Variants in ASMT observed in about 807,000 individuals in gnomAD.
ASMT encodes acetylserotonin O-methyltransferase.
ASMT carries 53 observed loss-of-function variants against 41.3 expected under a neutral mutation model. That is an observed-to-expected ratio of 1.28 (90% CI 1.03 to 1.61). The LOEUF (loss-of-function observed/expected upper bound fraction) is 1.61. Among genes scored for constraint, ASMT ranks in the 40% most tolerant of loss-of-function variants. The pLI, the probability that ASMT is intolerant of heterozygous loss-of-function variation, is 0.00. For synonymous variants in ASMT, 231 were observed against 184.8 expected (o/e 1.25, Z -2.03); for missense variants, 531 against 441.3 (o/e 1.20, Z -1.82).
chrX:1,615,308 G>A (rs370105151), intron 1 of ASMT, 40 bp downstream of exon 1: 46 of 1,518,660 alleles, frequency 3.0e-5, no homozygotes, highest in Middle Eastern at 3.4e-4. Context: ...ATAGACTTCC[G>A]TTCATCACAC....
chrX:1,615,095 A>T lies in ASMT; in HGVS notation c.-105A>T. The T allele has an allele frequency of 1.1e-6, 1 of 917,884 alleles. No homozygotes were observed. Among genetic ancestry groups the T allele is most frequent in the Non-Finnish European group, 1.8e-6 (1 of 567,682 alleles). The allele number at this position is 917,884 out of a possible 1,614,324, so 56.9% of individuals were successfully genotyped here. A position where few individuals can be genotyped will look rare whatever the true frequency, so the allele number is the denominator to read the frequency against. ...GGGCAGGCAGCAGGGAGAGTCAGGC[A>T]GCAGCTGTGAGCGGGTGGCTCTTCC... is the stretch of plus-strand genomic sequence containing the variant. On this transcript the variant is annotated 5_prime_UTR_variant, in exon 1 of 9. Coordinates refer to ENST00000381241, the MANE Select transcript of ASMT (RefSeq NM_001171038.2).
intron 8 of ASMT, 71 bp downstream of exon 8, chrX:1,636,631 A>C: frequency 1.9e-6 from 3 of 1,611,750 alleles, no homozygotes. Context: ...CACATTTAGA[A>C]GGCAGGCACT....
At chrX:1,629,529 G>C (rs1934689930) in intron 4 of ASMT, among the ~76,000 whole-genome samples, 1 of 152,146 alleles carries the variant, frequency 6.6e-6, no homozygotes, top group Non-Finnish European at 1.5e-5. Flanking sequence ...ACGTATTATT[G>C]ACTTTCCTCT....
At chrX:1,615,823 C>CA (rs201657339) in intron 1 of ASMT, among the ~76,000 whole-genome samples, 4,433 of 149,104 alleles carry the variant, frequency 0.03, 107 homozygotes, top group Non-Finnish European at 0.044. Flanking sequence ...AAACAAACAA[C>CA]AAAAAAAAAG....
intron 1 of ASMT, among the ~76,000 whole-genome samples, chrX:1,616,060 A>G (rs760848967): frequency 1.3e-5 from 2 of 151,644 alleles, no homozygotes; most frequent in South Asian, 2.1e-4. Context: ...CTGGAGTCTC[A>G]CTCTGTAACC....
chrX:1,628,411 G>T (rs1934639601), intron 4 of ASMT, among the ~76,000 whole-genome samples: 1 of 152,194 alleles, frequency 6.6e-6, no homozygotes, highest in African/African-American at 2.4e-5. Context: ...TCTTCACTTT[G>T]CTTTGCGATG....
intron 5 of ASMT, among the ~76,000 whole-genome samples, chrX:1,632,141 G>A (rs1934799684): frequency 6.6e-6 from 1 of 152,166 alleles, no homozygotes; most frequent in Admixed American, 6.6e-5. Context: ...TTGTGTGCAC[G>A]ACTTACCGGG....
At chrX:1,625,726 G>A (rs1352581134) in intron 3 of ASMT, among the ~76,000 whole-genome samples, 13 of 151,664 alleles carry the variant, frequency 8.6e-5, no homozygotes, top group South Asian at 8.3e-4. Context: ...AGGCTGAGGC[G>A]GGCGGATCAC....
In ASMT at chrX:1,632,785, T is replaced by G; in HGVS notation, c.644T>G (p.Ile215Arg). 2.5e-6 allele frequency: 1 copy of G among 394,476 alleles called. No homozygotes were observed. Among genetic ancestry groups the G allele is most frequent in the Non-Finnish European group, 4.8e-6 (1 of 210,438 alleles). The allele number at this position is 394,476 out of a possible 1,614,324, so 24.4% of individuals were successfully genotyped here. Residue 215 changes from isoleucine (I) to arginine (R), a missense_variant and splice_region_variant, in exon 6 of 9, where the codon ATA becomes AGA. Physicochemically the swap from Ile to Arg is moderately conservative, Grantham distance 97 (BLOSUM62 -3). Transcript: ENST00000381241. ...ACCAAACACCGCGTGTTCTCACTCA[T>G]AGGTGGGAACTGAACAATGAGACCA... ...QKTKHRVFSL[I>R]GGAGALAKEC...
intron 3 of ASMT, among the ~76,000 whole-genome samples, chrX:1,625,954 C>CAAAAAAAAAAAAAAA (rs1310481163): frequency 1.0e-5 from 1 of 99,262 alleles, no homozygotes; most frequent in African/African-American, 3.8e-5. Context: ...GACTCCATCT[C>CAAAAAAAAAAAAAAA]AAAAAAAAAA....
intron 1 of ASMT, among the ~76,000 whole-genome samples, chrX:1,615,639 C>G (rs1420468364): frequency 2.0e-5 from 3 of 151,926 alleles, no homozygotes; most frequent in African/African-American, 7.2e-5. Context: ...CCCATCTCTA[C>G]TAAAAATACA....
chrX:1,632,998 C>T, intron 6 of ASMT, 152 bp from the exon 7 acceptor site: 1 of 855,618 alleles, frequency 1.2e-6, no homozygotes, highest in Non-Finnish European at 2.0e-6. Flanking sequence ...TACCCTAGAA[C>T]TTAAAGTATA....
chrX:1,633,084 T>G, intron 6 of ASMT, 66 bp from the exon 7 acceptor site: 2 of 1,594,634 alleles, frequency 1.3e-6, no homozygotes, highest in Non-Finnish European at 1.7e-6. Context: ...GTCCATGGTG[T>G]GTGGAGGGTG....
intron 5 of ASMT, among the ~76,000 whole-genome samples, chrX:1,631,312 G>T (rs566377444): frequency 3.2e-4 from 49 of 151,368 alleles, no homozygotes; most frequent in African/African-American, 1.1e-3. Context: ...GCCTCCCAGA[G>T]TGAGTGATGG....
chrX:1,615,466 G>C (rs1269999129), intron 1 of ASMT, among the ~76,000 whole-genome samples, 198 bp downstream of exon 1: 1 of 151,984 alleles, frequency 6.6e-6, no homozygotes, highest in Non-Finnish European at 1.5e-5. Context: ...GGACAGCTTG[G>C]TTTGATACAT....
intron 5 of ASMT, among the ~76,000 whole-genome samples, chrX:1,631,196 G>A (rs772937151): frequency 2.0e-5 from 3 of 151,618 alleles, no homozygotes; most frequent in African/African-American, 7.3e-5. Context: ...TTGCAGGCAT[G>A]AGCCACTGCG....
chrX:1,618,689 A>G (rs112604649), intron 1 of ASMT, among the ~76,000 whole-genome samples: 42,445 of 151,730 alleles, frequency 0.28, 6,920 homozygotes, highest in African/African-American at 0.49. Context: ...TGCCTGCCTC[A>G]GCCTCCCAAA....
Position 1,637,033 on chromosome X carries a change from G to A in ASMT, c.910+473G>A, listed in dbSNP as rs866027518. Reference sequence around the variant, plus strand: ...GACAGTGTCCCAGCTCTCCTGTGAGGTCCATCCATCCTGATGGCACATGAG... The same window carrying A: ...GACAGTGTCCCAGCTCTCCTGTGAGATCCATCCATCCTGATGGCACATGAG... On this transcript the variant is annotated intron_variant, in intron 8 of 8. Transcript: ENST00000381241. 1.4e-3 allele frequency among the ~76,000 whole-genome samples: 140 copies of A among 97,138 alleles called. 5 individuals are homozygous for A. Among genetic ancestry groups the A allele is most frequent in the Non-Finnish European group, 1.7e-3 (82 of 48,162 alleles). The allele number at this position is 97,138 out of a possible 152,430, so 63.7% of individuals were successfully genotyped here.
Position 1,615,140 on chromosome X carries a change from T to C in ASMT, c.-60T>C, listed in dbSNP as rs1603460960. 2.7e-6 allele frequency: 4 copies of C among 1,499,958 alleles called. No homozygotes were observed. Among genetic ancestry groups the C allele is most frequent in the South Asian group, 1.2e-5 (1 of 83,160 alleles). 92.9% of individuals were successfully genotyped at this position (1,499,958 alleles called of 1,614,324 possible). ...TCTTCCCCACCTTGCCAGCAGGCTC[T>C]GTGCTCCTTGAAGCAAGCGCTCCAG... On this transcript the variant is annotated 5_prime_UTR_variant, in exon 1 of 9. Transcript: ENST00000381241.
Sources: gnomAD v4.1 joint callset for allele counts (sites outside exome capture counted in the v4.1 genomes callset) on GRCh38, gnomAD v4.1.1 for gene constraint, MANE v1.5 for transcripts, NCBI Gene and HGNC (gene_info 2026-07-23, HGNC 2026-07-21) for gene names.